MALRD1: variants seen among roughly 807,000 people sequenced by gnomAD.
The protein encoded by MALRD1 is MAM and LDL-receptor class A domain-containing protein 1.
In MALRD1, 247 loss-of-function variants were observed where a neutral mutation model predicts 242.1. The observed-to-expected ratio is 1.02, with a 90% CI of 0.92 to 1.13. The LOEUF is 1.13. MALRD1 is among the 50% of genes most tolerant of loss of function. MALRD1 has a pLI of 0.00. For missense variants in MALRD1, 2,989 were observed against 2,533.1 expected (o/e 1.18, Z -3.86); for synonymous variants, 995 against 866.6 (o/e 1.15, Z -2.60).
intron 36 of MALRD1, among the ~76,000 whole-genome samples, chr10:19,656,169 A>T (rs1203201554): frequency 1.3e-5 from 2 of 152,150 alleles, no homozygotes; most frequent in Non-Finnish European, 2.9e-5. Flanking sequence ...TTCAGAACTT[A>T]TCAAAAAGCA....
At chr10:19,382,272 C>T (rs1429913882) in intron 26 of MALRD1, among the ~76,000 whole-genome samples, 1 of 152,080 alleles carries the variant, frequency 6.6e-6, no homozygotes, top group African/African-American at 2.4e-5. Flanking sequence ...ACATTCACAA[C>T]AGGCCTGATC....
chr10:19,458,394 A>G (rs1037908114), intron 29 of MALRD1, among the ~76,000 whole-genome samples: 1 of 152,322 alleles, frequency 6.6e-6, no homozygotes, highest in East Asian at 1.9e-4. Context: ...ATAAATTGAT[A>G]TTTTACTAAC....
At chr10:19,592,759 A>G (rs144822881) in intron 33 of MALRD1, among the ~76,000 whole-genome samples, 100,870 of 139,028 alleles carry the variant, frequency 0.73, 37,218 homozygotes, top group Admixed American at 0.8. Context: ...ACACACACAC[A>G]CACGCACGCA....
At chr10:19,141,908 C>A (rs548633016) in intron 10 of MALRD1, among the ~76,000 whole-genome samples, 91 of 152,020 alleles carry the variant, frequency 6.0e-4, no homozygotes, top group Non-Finnish European at 1.2e-3. Context: ...TGCGGTGGCT[C>A]ACGCCTGTAA....
Position 19,048,888 on chromosome 10 carries a change from G to T in MALRD1, c.-51G>T. 8.4e-7 allele frequency: 1 copy of T among 1,187,272 alleles called. No homozygotes were observed. The highest frequency in any genetic ancestry group is 4.3e-5 in the South Asian group (1 of 23,412). 73.5% of individuals were successfully genotyped at this position (1,187,272 alleles called of 1,614,324 possible). ...AGAGAAATAAAAGAATGTTTCCAAT[G>T]ATGGACTTACTTATTACAACTGCTT... On this transcript the variant is annotated 5_prime_UTR_variant, in exon 1 of 40. An upstream start codon of the reference 5' UTR is lost. Transcript: ENST00000454679.
intron 14 of MALRD1, among the ~76,000 whole-genome samples, chr10:19,195,883 G>A (rs910476979): frequency 1.3e-5 from 2 of 151,754 alleles, no homozygotes; most frequent in African/African-American, 2.4e-5. Context: ...TCCTTCCCCC[G>A]CCCTCCTCAA....
intron 29 of MALRD1, among the ~76,000 whole-genome samples, chr10:19,465,509 G>A (rs1184890835): frequency 6.6e-6 from 1 of 152,060 alleles, no homozygotes; most frequent in African/African-American, 2.4e-5. Flanking sequence ...GAGGTTGCTT[G>A]TTGTTTGATT....
At chr10:19,437,327 A>C (rs1437740226) in intron 28 of MALRD1, among the ~76,000 whole-genome samples, 2 of 151,718 alleles carry the variant, frequency 1.3e-5, no homozygotes, top group Non-Finnish European at 2.9e-5. Context: ...TGTATATTTA[A>C]TGTTTCAGTT....
At position 19,107,242 on chromosome 10, in the gene MALRD1, A is replaced by G. The variant is rs141463417; in HGVS notation, c.694+3167A>G. Reference sequence around the variant, plus strand: ...AAGTAGGGAGTTAAAATCCCTTGCTATTATTGTATTGCAGTCTATCTATTT... The same window carrying G: ...AAGTAGGGAGTTAAAATCCCTTGCTGTTATTGTATTGCAGTCTATCTATTT... On this transcript the variant is annotated intron_variant, in intron 5 of 39. Transcript: ENST00000454679. Among the ~76,000 whole-genome samples, 544 of 152,008 alleles carry G rather than the reference A, an allele frequency of 3.6e-3. 4 individuals carry two copies. The highest frequency in any genetic ancestry group is 0.012 in the African/African-American group (497 of 41,508).
At chr10:19,360,929 T>C (rs1844865287) in intron 26 of MALRD1, among the ~76,000 whole-genome samples, 1 of 152,132 alleles carries the variant, frequency 6.6e-6, no homozygotes, top group African/African-American at 2.4e-5. Context: ...TTGAAATTCA[T>C]TCTTTCATAT....
At chr10:19,139,904 G>C (rs1833480773) in intron 10 of MALRD1, among the ~76,000 whole-genome samples, 1 of 152,144 alleles carries the variant, frequency 6.6e-6, no homozygotes, top group Admixed American at 6.5e-5. Flanking sequence ...GAGGCTTGAG[G>C]AAGGAAGACA....
chr10:19,480,793 A>G (rs957489889), intron 29 of MALRD1, among the ~76,000 whole-genome samples: 5 of 151,894 alleles, frequency 3.3e-5, no homozygotes, highest in African/African-American at 1.2e-4. Flanking sequence ...ATTTCTTGTT[A>G]TCTCTTCTTC....
At chr10:19,237,491 A>G (rs1838373660) in intron 18 of MALRD1, among the ~76,000 whole-genome samples, 1 of 117,478 alleles carries the variant, frequency 8.5e-6, no homozygotes, top group Non-Finnish European at 1.7e-5. Flanking sequence ...ATGGCTGAAT[A>G]GTATTTCATT....
At chr10:19,253,735 A>G (rs1345005159) in intron 18 of MALRD1, among the ~76,000 whole-genome samples, 1 of 151,870 alleles carries the variant, frequency 6.6e-6, no homozygotes, top group Non-Finnish European at 1.5e-5. Context: ...TATCCCCACC[A>G]TTCCCCCAAA....
chr10:19,232,379 T>C (rs1002817372), intron 18 of MALRD1, among the ~76,000 whole-genome samples: 1 of 151,438 alleles, frequency 6.6e-6, no homozygotes, highest in Non-Finnish European at 1.5e-5. Flanking sequence ...GGTTTCAGCA[T>C]GTGGGCAAGG....
rs1267531241 is a variant in MALRD1 at position 19,108,382 on chromosome 10, T to G, written c.694+4307T>G. On this transcript the variant is annotated intron_variant, in intron 5 of 39. Coordinates refer to ENST00000454679, the MANE Select transcript of MALRD1 (RefSeq NM_001142308.3). ...AATAATTATTGAGCTCATGAATTGT[T>G]TTTTCTTTTTTTTTTTTTTTTTTTT... 6.2e-5 allele frequency among the ~76,000 whole-genome samples: 3 copies of G among 48,084 alleles called. No homozygotes were observed. In the East Asian group the frequency reaches 1.8e-3, roughly 28 times the overall value. The allele number at this position is 48,084 out of a possible 152,430, so 31.5% of individuals were successfully genotyped here.
intron 5 of MALRD1, among the ~76,000 whole-genome samples, chr10:19,111,729 T>C (rs551956545): frequency 5.3e-5 from 8 of 152,348 alleles, no homozygotes; most frequent in Admixed American, 3.3e-4. Flanking sequence ...AGTTTTCTTA[T>C]GGAGAAAGCC....
chr10:19,691,888 G>T (rs531215701), intron 36 of MALRD1, among the ~76,000 whole-genome samples: 100 of 152,224 alleles, frequency 6.6e-4, no homozygotes, highest in Non-Finnish European at 7.2e-4. Flanking sequence ...AATCTGCTCT[G>T]TTGGTTTTCT....
chr10:19,639,409 T>C (rs1171380114), intron 36 of MALRD1, among the ~76,000 whole-genome samples: 1 of 152,206 alleles, frequency 6.6e-6, no homozygotes, highest in Non-Finnish European at 1.5e-5. Flanking sequence ...AATAATTCTC[T>C]GCCTACCACA....
Sources: gnomAD v4.1 joint callset for allele counts (sites outside exome capture counted in the v4.1 genomes callset) on GRCh38, gnomAD v4.1.1 for gene constraint, MANE v1.5 for transcripts, NCBI Gene and HGNC (gene_info 2026-07-23, HGNC 2026-07-21) for gene names.